The following KCNIP4 variants were observed in gnomAD, a reference collection of about 807,000 sequenced individuals.
KCNIP4 encodes the protein Kv channel-interacting protein 4.
A neutral mutation model predicts 34.0 loss-of-function variants in KCNIP4; 12 were observed. The observed-to-expected ratio is 0.35, with a 90% CI of 0.23 to 0.57. The LOEUF is 0.57. Ranked by LOEUF, KCNIP4 falls within the 20% of genes least tolerant of loss-of-function variation. The pLI is 0.83. For synonymous variants in KCNIP4, 124 were observed against 102.2 expected (o/e 1.21, Z -1.29); for missense variants, 238 against 311.7 (o/e 0.76, Z 1.78).
chr4:21,056,694 CTA>C lies in KCNIP4; in HGVS notation c.62-173987_62-173986del, dbSNP rs542494108. 2.4e-4 allele frequency among the ~76,000 whole-genome samples: 37 copies of C among 152,260 alleles called. No homozygotes were observed. In the East Asian group the frequency reaches 5.6e-3, roughly 23 times the overall value. On this transcript the variant is annotated intron_variant, in intron 1 of 8. Coordinates refer to ENST00000382152, the MANE Select transcript of KCNIP4 (RefSeq NM_025221.6). ...TAATACACAAGATCAATCAAGAAGG[CTA>C]TTATAAACCTTTGTGACCTGAAACC...
At chr4:21,589,265 G>GTATCT (rs1560540556) in intron 1 of KCNIP4, among the ~76,000 whole-genome samples, 3,182 of 113,398 alleles carry the variant, frequency 0.028, 69 homozygotes, top group South Asian at 0.071. Flanking sequence ...TATCTATACA[G>GTATCT]ATACATATAT....
chr4:21,702,024 A>G (rs1321743679), intron 1 of KCNIP4, among the ~76,000 whole-genome samples: 3 of 152,044 alleles, frequency 2.0e-5, no homozygotes, highest in African/African-American at 7.3e-5. Context: ...ACTTTTTAAA[A>G]TGAGAGATAA....
intron 2 of KCNIP4, among the ~76,000 whole-genome samples, chr4:20,862,110 C>T (rs1165051600): frequency 6.6e-6 from 1 of 151,862 alleles, no homozygotes; most frequent in Non-Finnish European, 1.5e-5. Flanking sequence ...TCTGCCTCAG[C>T]CTCCCAAGTA....
At chr4:21,088,876 C>T (rs1253836981) in intron 1 of KCNIP4, among the ~76,000 whole-genome samples, 3 of 129,552 alleles carry the variant, frequency 2.3e-5, no homozygotes, top group Non-Finnish European at 4.7e-5. Flanking sequence ...ACTAGAAACT[C>T]CATGAAGCAA....
At chr4:21,648,115 C>T (rs183720958) in intron 1 of KCNIP4, among the ~76,000 whole-genome samples, 333 of 151,764 alleles carry the variant, frequency 2.2e-3, no homozygotes, top group African/African-American at 7.2e-3. Flanking sequence ...CCTCGTGATC[C>T]GCCTGCCTCG....
At chr4:21,050,169 GA>G (rs1197246917) in intron 1 of KCNIP4, among the ~76,000 whole-genome samples, 1 of 152,140 alleles carries the variant, frequency 6.6e-6, no homozygotes, top group Non-Finnish European at 1.5e-5. Flanking sequence ...TGCAAAACTG[GA>G]AATAAATATT....
chr4:20,882,798 G>A lies in KCNIP4; in HGVS notation c.62-89C>T. 10 of 1,000,364 alleles carry A rather than the reference G, an allele frequency of 1.0e-5. No individual in the cohort carries two copies. In the South Asian group the frequency reaches 1.3e-4, roughly 13 times the overall value. The allele number at this position is 1,000,364 out of a possible 1,614,324, so 62.0% of individuals were successfully genotyped here. On this transcript the variant is annotated intron_variant, in intron 1 of 8. Transcript: ENST00000382152. Reference sequence around the variant, plus strand: ...GTTTATCAGAGAAGCCAGGCAGGAAGGATCAGGGACGCAGCCATCCACTCA... The same window carrying A: ...GTTTATCAGAGAAGCCAGGCAGGAAAGATCAGGGACGCAGCCATCCACTCA...
At chr4:21,257,579 C>G (rs774233502) in intron 1 of KCNIP4, among the ~76,000 whole-genome samples, 1 of 151,782 alleles carries the variant, frequency 6.6e-6, no homozygotes, top group Non-Finnish European at 1.5e-5. Flanking sequence ...GAAACCCTGT[C>G]CTCTACTAAA....
chr4:21,139,652 C>G (rs542521115), intron 1 of KCNIP4, among the ~76,000 whole-genome samples: 2 of 152,312 alleles, frequency 1.3e-5, no homozygotes, highest in East Asian at 3.9e-4. Flanking sequence ...AACGTTCTAG[C>G]CTTAGCACTG....
chr4:20,802,404 T>C (rs552461734), intron 3 of KCNIP4, among the ~76,000 whole-genome samples: 1 of 151,736 alleles, frequency 6.6e-6, no homozygotes, highest in East Asian at 1.9e-4. Flanking sequence ...AATACAATAA[T>C]AGTAGGGAAC....
intron 1 of KCNIP4, among the ~76,000 whole-genome samples, chr4:21,287,133 T>A (rs1449362891): frequency 6.6e-6 from 1 of 152,214 alleles, no homozygotes; most frequent in Non-Finnish European, 1.5e-5. Context: ...GAAAATATTT[T>A]AGATACTACT....
intron 1 of KCNIP4, among the ~76,000 whole-genome samples, chr4:21,196,509 C>T (rs967771453): frequency 6.6e-6 from 1 of 152,168 alleles, no homozygotes. Flanking sequence ...GCAAGACTTT[C>T]TTACTTTCGA....
chr4:21,207,279 G>C (rs1190042232), intron 1 of KCNIP4, among the ~76,000 whole-genome samples: 1 of 152,086 alleles, frequency 6.6e-6, no homozygotes, highest in Non-Finnish European at 1.5e-5. Flanking sequence ...AAGGAGAAAT[G>C]GCAGAAGAGA....
At chr4:20,816,222 C>G (rs1716360771) in intron 3 of KCNIP4, among the ~76,000 whole-genome samples, 1 of 151,124 alleles carries the variant, frequency 6.6e-6, no homozygotes, top group Admixed American at 6.6e-5. Context: ...CCCCTGCACT[C>G]CAGCCTGGGC....
In KCNIP4 at chr4:21,625,342, T is replaced by G. The variant is rs148165747; in HGVS notation, c.61+323229A>C. Among the ~76,000 whole-genome samples, 134 of 152,182 alleles carry G rather than the reference T, an allele frequency of 8.8e-4. 1 individual carries two copies. Among genetic ancestry groups the G allele is most frequent in the Middle Eastern group, 3.4e-3 (1 of 290 alleles). On this transcript the variant is annotated intron_variant, in intron 1 of 8. Coordinates refer to ENST00000382152, the MANE Select transcript of KCNIP4 (RefSeq NM_025221.6). The stretch of plus-strand genomic sequence containing the variant: ...GCACATGGTAGGTTATATGAGAATG[T>G]CTATAATTACTATTTATATTACTAT...
At chr4:20,877,353 T>C (rs1724160757) in intron 2 of KCNIP4, among the ~76,000 whole-genome samples, 2 of 152,186 alleles carry the variant, frequency 1.3e-5, no homozygotes, top group Non-Finnish European at 2.9e-5. Context: ...GCGCATACCT[T>C]TGCAAATTGT....
At chr4:21,776,743 G>A (rs1719205146) in intron 1 of KCNIP4, among the ~76,000 whole-genome samples, 1 of 152,042 alleles carries the variant, frequency 6.6e-6, no homozygotes, top group Admixed American at 6.6e-5. Context: ...TTTTGTGATA[G>A]TGAATGAGTT....
At chr4:21,298,958 T>C (rs958451367) in intron 1 of KCNIP4, among the ~76,000 whole-genome samples, 7 of 152,134 alleles carry the variant, frequency 4.6e-5, no homozygotes, top group Non-Finnish European at 1.0e-4. Flanking sequence ...AATTATGTAA[T>C]AAGATACGGA....
At chr4:21,380,846 A>ACG (rs1336486518) in intron 1 of KCNIP4, among the ~76,000 whole-genome samples, 1 of 151,830 alleles carries the variant, frequency 6.6e-6, no homozygotes, top group Non-Finnish European at 1.5e-5. Flanking sequence ...GGTGACACAC[A>ACG]CACACACACA....
Sources: allele counts gnomAD v4.1 joint callset (sites outside exome capture counted in the v4.1 genomes callset), GRCh38; gene constraint gnomAD v4.1.1; transcripts MANE v1.5; gene names NCBI Gene and HGNC (gene_info 2026-07-23, HGNC 2026-07-21).